Variants in CUX2 observed in about 807,000 individuals in gnomAD.
CUX2 encodes homeobox protein cut-like 2.
CUX2 carries 40 observed loss-of-function variants against 144.8 expected under a neutral mutation model. The ratio of observed to expected loss-of-function variants is 0.28; its 90% confidence interval spans 0.21 to 0.36. The LOEUF (loss-of-function observed/expected upper bound fraction) is 0.36. Ranked by LOEUF, CUX2 falls within the 10% of genes least tolerant of loss-of-function variation. The probability of loss-of-function intolerance (pLI) is 1.00; values close to 1 mark genes in which losing one functional copy is unlikely to be tolerated. For synonymous variants in CUX2, 827 were observed against 875.6 expected (o/e 0.94, Z 0.98); for missense variants, 1,615 against 1,994.0 (o/e 0.81, Z 3.62).
intron 1 of CUX2, among the ~76,000 whole-genome samples, chr12:111,181,850 ATCC>A (rs1463435981): frequency 6.6e-6 from 1 of 152,256 alleles, no homozygotes. Flanking sequence ...AACTATCTGC[ATCC>A]TCACTCTTAT....
At chr12:111,038,998 T>C (rs1869603430) in intron 1 of CUX2, among the ~76,000 whole-genome samples, 1 of 152,126 alleles carries the variant, frequency 6.6e-6, no homozygotes, top group African/African-American at 2.4e-5. Context: ...GAGGATTCTA[T>C]CTTCGAACTT....
intron 19 of CUX2, among the ~76,000 whole-genome samples, chr12:111,336,879 A>T (rs962492745): frequency 1.3e-5 from 2 of 152,044 alleles, no homozygotes; most frequent in Non-Finnish European, 2.9e-5. Context: ...CTTGCTTTTG[A>T]AAAATGAACA....
At chr12:111,252,801 C>A (rs1883626212) in intron 3 of CUX2, among the ~76,000 whole-genome samples, 1 of 150,286 alleles carries the variant, frequency 6.7e-6, no homozygotes, top group South Asian at 2.1e-4. Context: ...GTGGCTCACA[C>A]CTGTAATCCC....
Position 111,347,806 on chromosome 12 carries a change from G to A in CUX2, c.3942G>A (p.Gln1314=), listed in dbSNP as rs373830228. 1 of 1,614,082 alleles carries A rather than the reference G, an allele frequency of 6.2e-7. No homozygotes were observed. Among genetic ancestry groups the A allele is most frequent in the East Asian group, 2.2e-5 (1 of 44,874 alleles). Residue 1314 remains glutamine (Q), a synonymous_variant, in exon 22 of 22, where the codon CAG becomes CAA. Coordinates refer to ENST00000261726, the MANE Select transcript of CUX2 (RefSeq NM_015267.4). ...ATGCTGAGGAAGAGGCAGGCAGCCA[G>A]CCCCAGGACTCAGGGGAGCTGGACA... ...EEDAEEEAGS[Q]PQDSGELDKG... is the part of the protein sequence containing the mutation.
At chr12:111,230,215 C>T (rs982394576) in intron 3 of CUX2, among the ~76,000 whole-genome samples, 11 of 55,916 alleles carry the variant, frequency 2.0e-4, no homozygotes, top group East Asian at 4.7e-4. Flanking sequence ...AGGGGAGGAA[C>T]GGGGAGGGGA....
At chr12:111,140,152 G>A (rs1034131454) in intron 1 of CUX2, among the ~76,000 whole-genome samples, 11 of 152,094 alleles carry the variant, frequency 7.2e-5, no homozygotes, top group African/African-American at 2.7e-4. Context: ...TTTTTTCAGT[G>A]TTGAAACCTT....
At chr12:111,224,102 A>T (rs933156856) in intron 3 of CUX2, among the ~76,000 whole-genome samples, 1 of 152,034 alleles carries the variant, frequency 6.6e-6, no homozygotes, top group Non-Finnish European at 1.5e-5. Context: ...TTTTAACAGG[A>T]TCCCTCTGGC....
intron 8 of CUX2, among the ~76,000 whole-genome samples, 182 bp from the exon 9 acceptor site, chr12:111,298,359 G>T (rs1246938020): frequency 6.6e-6 from 1 of 152,180 alleles, no homozygotes; most frequent in Non-Finnish European, 1.5e-5. Flanking sequence ...AAGAGGTGCA[G>T]TGCTGACGCC....
intron 1 of CUX2, among the ~76,000 whole-genome samples, chr12:111,198,266 G>C (rs572494977): frequency 6.6e-6 from 1 of 151,964 alleles, no homozygotes; most frequent in African/African-American, 2.4e-5. Context: ...ACTTGAGTTC[G>C]GGAGTTTGAG....
chr12:111,256,587 G>T (rs536541676), intron 3 of CUX2, among the ~76,000 whole-genome samples: 1 of 152,282 alleles, frequency 6.6e-6, no homozygotes, highest in East Asian at 1.9e-4. Flanking sequence ...CAGGGAAGGA[G>T]TTGTGCAGTC....
At chr12:111,194,788 G>A (rs116718402) in intron 1 of CUX2, among the ~76,000 whole-genome samples, 180 of 152,354 alleles carry the variant, frequency 1.2e-3, no homozygotes, top group African/African-American at 3.7e-3. Flanking sequence ...GTCTTCAGAC[G>A]AGAGGCTGAT....
chr12:111,127,828 G>A (rs1212567932), intron 1 of CUX2, among the ~76,000 whole-genome samples: 9 of 152,200 alleles, frequency 5.9e-5, no homozygotes, highest in African/African-American at 1.2e-4. Flanking sequence ...GCAAATGCAC[G>A]TCTTACATGG....
chr12:111,219,910 G>A lies in CUX2; in HGVS notation c.222+1973G>A, dbSNP rs1036456378. Among the ~76,000 whole-genome samples the A allele has an allele frequency of 5.3e-5, 8 of 152,134 alleles. No homozygotes were observed. The South Asian group carries it at 1.4e-3, about 28-fold the overall frequency. On this transcript the variant is annotated intron_variant, in intron 3 of 21. Transcript: ENST00000261726. Reference sequence around the variant, plus strand: ...TGTAATCCCAGCACTTTGGGAGGCCGAGGAGGGTGGATCACTTCAGGTCAG... The same window carrying A: ...TGTAATCCCAGCACTTTGGGAGGCCAAGGAGGGTGGATCACTTCAGGTCAG...
intron 1 of CUX2, among the ~76,000 whole-genome samples, chr12:111,036,890 C>T (rs910770566): frequency 2.8e-5 from 4 of 140,652 alleles, no homozygotes; most frequent in Admixed American, 1.4e-4. Context: ...CCAACAGGCC[C>T]GCAGCCCCCC....
At chr12:111,143,710 C>T (rs1013868675) in intron 1 of CUX2, among the ~76,000 whole-genome samples, 3 of 152,212 alleles carry the variant, frequency 2.0e-5, no homozygotes, top group African/African-American at 7.2e-5. Context: ...GGCCTCGCCG[C>T]CTGATGCCTT....
chr12:111,132,563 T>TC (rs1875564586), intron 1 of CUX2, among the ~76,000 whole-genome samples: 2 of 119,142 alleles, frequency 1.7e-5, no homozygotes, highest in Non-Finnish European at 3.3e-5. Flanking sequence ...TTTCCTTTTT[T>TC]TTTTTTTTTT....
At chr12:111,316,901 A>ACT (rs2136390282) in intron 16 of CUX2, among the ~76,000 whole-genome samples, 1 of 152,016 alleles carries the variant, frequency 6.6e-6, no homozygotes, top group South Asian at 2.1e-4. Context: ...CTCTCCCCCC[A>ACT]GCCCCTGGAA....
intron 16 of CUX2, among the ~76,000 whole-genome samples, chr12:111,313,772 G>A (rs1887028030): frequency 6.6e-6 from 1 of 152,134 alleles, no homozygotes; most frequent in Non-Finnish European, 1.5e-5. Flanking sequence ...TTACCTCCCT[G>A]TTGCAGTTCT....
intron 2 of CUX2, 30 bp downstream of exon 2, chr12:111,214,340 C>A: frequency 1.5e-6 from 2 of 1,308,298 alleles, no homozygotes; most frequent in Non-Finnish European, 1.1e-6. Context: ...ATAGAATTAA[C>A]TCAGTAGGAA....
Sources: gnomAD v4.1 joint callset for allele counts (sites outside exome capture counted in the v4.1 genomes callset) on GRCh38, gnomAD v4.1.1 for gene constraint, MANE v1.5 for transcripts, NCBI Gene and HGNC (gene_info 2026-07-23, HGNC 2026-07-21) for gene names.